The following RBFOX1 variants were observed in gnomAD, a reference collection of about 807,000 sequenced individuals.
RBFOX1 encodes the protein RNA binding fox-1 homolog 1.
A neutral mutation model predicts 57.7 loss-of-function variants in RBFOX1; 8 were observed. That is an observed-to-expected ratio of 0.14 (90% CI 0.08 to 0.25). RBFOX1 has a LOEUF of 0.25. Among genes scored for constraint, RBFOX1 ranks in the 10% least tolerant of loss-of-function variants. The pLI is 1.00. For missense variants in RBFOX1, 611 were observed against 548.5 expected (o/e 1.11, Z -1.14); for synonymous variants, 326 against 222.4 (o/e 1.47, Z -4.15).
chr16:6,140,481 C>T (rs193260691), intron 1 of RBFOX1, among the ~76,000 whole-genome samples: 403 of 152,276 alleles, frequency 2.6e-3, no homozygotes, highest in Non-Finnish European at 4.1e-3. Context: ...CAGGTGTGAG[C>T]CCCTGTGCCC....
chr16:7,243,722 T>C (rs1241628500), intron 4 of RBFOX1, among the ~76,000 whole-genome samples: 1 of 152,066 alleles, frequency 6.6e-6, no homozygotes, highest in South Asian at 2.1e-4. Context: ...AATTTTATTA[T>C]TCTTTTTGGT....
At chr16:5,835,325 A>T (rs2056424184) in intron 3 of RBFOX1, among the ~76,000 whole-genome samples, 1 of 152,192 alleles carries the variant, frequency 6.6e-6, no homozygotes, top group Admixed American at 6.5e-5. Context: ...CAGGGCACGT[A>T]GACAACTAAG....
chr16:7,062,893 ATTTTTTTTTTTTTTTT>A (rs1170936027), intron 4 of RBFOX1, among the ~76,000 whole-genome samples: 1 of 47,256 alleles, frequency 2.1e-5, no homozygotes, highest in African/African-American at 9.2e-5. Flanking sequence ...AATGATCGCC[ATTTTTTTTTTTTTTTT>A]TTTTTTTTTT....
chr16:5,697,461 T>C (rs563133278), intron 3 of RBFOX1, among the ~76,000 whole-genome samples: 49 of 151,152 alleles, frequency 3.2e-4, no homozygotes, highest in Non-Finnish European at 6.2e-4. Context: ...TATTGCCTAT[T>C]GCACGAGCTA....
At chr16:5,740,003 G>C (rs915556114) in intron 3 of RBFOX1, among the ~76,000 whole-genome samples, 1 of 152,246 alleles carries the variant, frequency 6.6e-6, no homozygotes, top group African/African-American at 2.4e-5. Flanking sequence ...GTGGCCAGCA[G>C]TGGGAGGGGT....
chr16:5,826,939 A>G lies in RBFOX1; in HGVS notation c.319-40364A>G, dbSNP rs117303319. Among the ~76,000 whole-genome samples, 582 of 152,338 alleles carry G rather than the reference A, an allele frequency of 3.8e-3. 3 individuals are homozygous for G. Among genetic ancestry groups the G allele is most frequent in the Middle Eastern group, 0.02 (6 of 294 alleles). ...GGAAATGCTAGAATATCTTTGAAAT[A>G]TTCCAGAAAACAGTTGTGTAGCTTC... On this transcript the variant is annotated intron_variant, in intron 3 of 19. Coordinates refer to the RBFOX1 transcript ENST00000641259.
At chr16:7,708,928 T>A in intron 14 of RBFOX1, 128 bp from the exon 15 acceptor site, 1 of 761,920 alleles carries the variant, frequency 1.3e-6, no homozygotes, top group Non-Finnish European at 2.3e-6. Flanking sequence ...CACAGCAGAG[T>A]AGAATTTGCT....
chr16:6,622,674 T>G (rs979453169), intron 2 of RBFOX1, among the ~76,000 whole-genome samples: 1 of 152,190 alleles, frequency 6.6e-6, no homozygotes, highest in Non-Finnish European at 1.5e-5. Context: ...AGAAGATAAA[T>G]GAATGAGTGA....
At chr16:6,436,181 G>A (rs1327033727) in intron 2 of RBFOX1, among the ~76,000 whole-genome samples, 1 of 152,024 alleles carries the variant, frequency 6.6e-6, no homozygotes, top group African/African-American at 2.4e-5. Context: ...ATACAGTTAA[G>A]TAAATGTTAT....
At chr16:7,115,143 T>A (rs932145498) in intron 4 of RBFOX1, among the ~76,000 whole-genome samples, 1 of 152,066 alleles carries the variant, frequency 6.6e-6, no homozygotes, top group South Asian at 2.1e-4. Context: ...TGTAGATTCT[T>A]GTTAGCACTT....
chr16:6,526,423 C>T (rs1031294040), intron 2 of RBFOX1, among the ~76,000 whole-genome samples: 11 of 152,170 alleles, frequency 7.2e-5, no homozygotes, highest in African/African-American at 2.4e-4. Flanking sequence ...CAATTATAAG[C>T]ACCAGTCACA....
intron 4 of RBFOX1, among the ~76,000 whole-genome samples, chr16:5,881,352 T>G (rs996235662): frequency 2.6e-5 from 4 of 152,172 alleles, no homozygotes; most frequent in African/African-American, 9.7e-5. Flanking sequence ...AACCTGTGGC[T>G]TCTTCTTTTC....
chr16:5,874,023 C>A (rs2057542712), intron 4 of RBFOX1, among the ~76,000 whole-genome samples: 1 of 152,090 alleles, frequency 6.6e-6, no homozygotes, highest in African/African-American at 2.4e-5. Flanking sequence ...AGAACCAGGG[C>A]CCAGCATCCT....
chr16:6,475,764 T>G (rs1420152148), intron 2 of RBFOX1, among the ~76,000 whole-genome samples: 1 of 152,210 alleles, frequency 6.6e-6, no homozygotes, highest in Non-Finnish European at 1.5e-5. Flanking sequence ...TGCTTTGTGC[T>G]TTTCTACAGG....
At chr16:6,973,127 T>C (rs1202070396) in intron 3 of RBFOX1, among the ~76,000 whole-genome samples, 1 of 151,984 alleles carries the variant, frequency 6.6e-6, no homozygotes, top group Non-Finnish European at 1.5e-5. Context: ...CAAGACTCCA[T>C]TGTCTAAATA....
At chr16:7,333,970 C>T (rs561050289) in intron 4 of RBFOX1, among the ~76,000 whole-genome samples, 6 of 152,250 alleles carry the variant, frequency 3.9e-5, no homozygotes, top group Middle Eastern at 6.8e-3. Context: ...CTCCTTTCTA[C>T]AGAAAAGGAA....
chr16:6,870,968 A>G (rs2060764072), intron 3 of RBFOX1, among the ~76,000 whole-genome samples: 1 of 152,186 alleles, frequency 6.6e-6, no homozygotes, highest in South Asian at 2.1e-4. Flanking sequence ...GTAGACCTGG[A>G]TGTAAGTGGA....
At chr16:6,985,155 C>A (rs1049226788) in intron 3 of RBFOX1, among the ~76,000 whole-genome samples, 2 of 135,744 alleles carry the variant, frequency 1.5e-5, no homozygotes, top group African/African-American at 5.4e-5. Flanking sequence ...TTCCTCTGCC[C>A]TTCTGTAGCA....
chr16:7,244,009 A>G (rs1483220840), intron 4 of RBFOX1, among the ~76,000 whole-genome samples: 3 of 151,988 alleles, frequency 2.0e-5, no homozygotes, highest in Admixed American at 6.6e-5. Flanking sequence ...GAATGTTCAT[A>G]GCTTTTAAAT....
Sources: gnomAD v4.1 joint callset for allele counts (sites outside exome capture counted in the v4.1 genomes callset) on GRCh38, gnomAD v4.1.1 for gene constraint, MANE v1.5 for transcripts, NCBI Gene and HGNC (gene_info 2026-07-23, HGNC 2026-07-21) for gene names.